Variants in SCAPER observed in about 807,000 individuals in gnomAD.
The protein encoded by SCAPER is S phase cyclin A-associated protein in the endoplasmic reticulum.
In SCAPER, 98 loss-of-function variants were observed where a neutral mutation model predicts 182.2. The ratio of observed to expected loss-of-function variants is 0.54; its 90% CI spans 0.46 to 0.64. SCAPER has a LOEUF of 0.64. SCAPER is among the 30% of genes least tolerant of loss of function. The pLI is 0.00. For synonymous variants in SCAPER, 605 were observed against 564.6 expected, an observed-to-expected ratio of 1.07 and a Z score of -1.01; for missense variants, 1,432 against 1,690.0, an observed-to-expected ratio of 0.85 and a Z score of 2.68.
At chr15:76,524,421 A>T (rs1383810245) in intron 23 of SCAPER, among the ~76,000 whole-genome samples, 2 of 152,148 alleles carry the variant, frequency 1.3e-5, no homozygotes, top group Admixed American at 1.3e-4. Context: ...AGAAGAGAAG[A>T]TCATTACTTC....
rs997855891 is a variant in SCAPER, at chr15:76,385,561, A to G, written c.3468-3946T>C. ...TGAGACTAAGTCATTGTCTCCCCCA[A>G]TGATGGATGAGAATTTTACTGTTCA... is the stretch of plus-strand genomic sequence containing the variant. On this transcript the variant is annotated intron_variant, in intron 27 of 31. Transcript: ENST00000563290. Among the ~76,000 whole-genome samples, 12 of 152,212 alleles carry G rather than the reference A, an allele frequency of 7.9e-5. No individual in the cohort carries two copies. In the South Asian group the frequency reaches 1.0e-3, roughly 13 times the overall value.
chr15:76,547,805 T>A (rs1029543795), intron 23 of SCAPER, among the ~76,000 whole-genome samples: 2 of 152,172 alleles, frequency 1.3e-5, no homozygotes, highest in South Asian at 4.1e-4. Flanking sequence ...ATCTATCTAT[T>A]TGTACTAATA....
At chr15:76,798,852 T>C (rs1431132745) in intron 7 of SCAPER, among the ~76,000 whole-genome samples, 2 of 150,934 alleles carry the variant, frequency 1.3e-5, no homozygotes, top group African/African-American at 4.9e-5. Flanking sequence ...AGAACATCTG[T>C]TCCTAACAGA....
intron 23 of SCAPER, among the ~76,000 whole-genome samples, chr15:76,549,595 T>G (rs2144911331): frequency 6.6e-6 from 1 of 151,800 alleles, no homozygotes; most frequent in East Asian, 1.9e-4. Flanking sequence ...TGGGGACTGT[T>G]GTGGGGTAGG....
At chr15:76,904,580 C>G (rs1480773560) in intron 1 of SCAPER, 1 of 152,190 alleles carries the variant, frequency 6.6e-6, no homozygotes, top group Non-Finnish European at 1.5e-5. Flanking sequence ...TCTAACAATC[C>G]CGTTCCTCCC....
intron 24 of SCAPER, among the ~76,000 whole-genome samples, chr15:76,487,282 T>C (rs537362293): frequency 9.0e-5 from 12 of 132,938 alleles, no homozygotes; most frequent in African/African-American, 3.4e-4. Flanking sequence ...CAAACCCCCA[T>C]GACACAAGTT....
At chr15:76,667,358 C>T (rs1393181801) in intron 20 of SCAPER, among the ~76,000 whole-genome samples, 2 of 152,092 alleles carry the variant, frequency 1.3e-5, no homozygotes, top group South Asian at 2.1e-4. Flanking sequence ...CTCTTCTTGA[C>T]CTCTAAATGT....
intron 17 of SCAPER, among the ~76,000 whole-genome samples, chr15:76,724,600 T>C (rs577089281): frequency 6.6e-6 from 1 of 152,308 alleles, no homozygotes; most frequent in East Asian, 1.9e-4. Context: ...CATAGTCCCA[T>C]ATTTCTTGGA....
intron 15 of SCAPER, among the ~76,000 whole-genome samples, chr15:76,752,306 G>A (rs762321779): frequency 6.6e-6 from 1 of 151,732 alleles, no homozygotes; most frequent in Non-Finnish European, 1.5e-5. Flanking sequence ...TGAACTACAT[G>A]TAGAAAACAG....
intron 24 of SCAPER, among the ~76,000 whole-genome samples, chr15:76,496,711 G>C (rs1292359227): frequency 6.6e-6 from 1 of 152,156 alleles, no homozygotes; most frequent in Non-Finnish European, 1.5e-5. Context: ...ATGTACCCTA[G>C]AGAGCTTATA....
intron 1 of SCAPER, among the ~76,000 whole-genome samples, chr15:76,886,898 G>T (rs1212994259): frequency 6.6e-6 from 1 of 152,152 alleles, no homozygotes; most frequent in Non-Finnish European, 1.5e-5. Context: ...ACTAATGCAG[G>T]AACAGAAAAC....
intron 18 of SCAPER, 122 bp from the exon 19 acceptor site, chr15:76,703,124 C>G: frequency 9.5e-7 from 1 of 1,049,330 alleles, no homozygotes; most frequent in Non-Finnish European, 1.3e-6. Context: ...TGACAACTTA[C>G]ACACTGAAGA....
chr15:76,848,599 G>C (rs1206625835), intron 4 of SCAPER, among the ~76,000 whole-genome samples: 1 of 152,074 alleles, frequency 6.6e-6, no homozygotes, highest in East Asian at 1.9e-4. Flanking sequence ...CTCCCAAAGT[G>C]CTGGGATTAT....
intron 21 of SCAPER, among the ~76,000 whole-genome samples, chr15:76,634,708 C>T (rs2053446354): frequency 6.6e-6 from 1 of 152,078 alleles, no homozygotes; most frequent in East Asian, 1.9e-4. Flanking sequence ...GATGCCATTG[C>T]CAAATGTAAT....
intron 27 of SCAPER, among the ~76,000 whole-genome samples, chr15:76,396,681 C>T (rs990815517): frequency 1.3e-5 from 2 of 152,152 alleles, no homozygotes; most frequent in African/African-American, 4.8e-5. Context: ...TGCAACTTTA[C>T]TGAATTGGTT....
chr15:76,567,725 G>T (rs779635616), intron 23 of SCAPER, among the ~76,000 whole-genome samples: 4 of 152,068 alleles, frequency 2.6e-5, no homozygotes, highest in Non-Finnish European at 4.4e-5. Flanking sequence ...GTTTGTTTTT[G>T]CATTTCATTA....
chr15:76,383,105 TACACAC>T (rs77313356), intron 27 of SCAPER, among the ~76,000 whole-genome samples: 1 of 150,036 alleles, frequency 6.7e-6, no homozygotes, highest in East Asian at 2.0e-4. Context: ...TGTGTGTAAA[TACACAC>T]ACACACACCT....
chr15:76,872,506 C>T (rs1257620044), intron 2 of SCAPER, among the ~76,000 whole-genome samples: 1 of 151,838 alleles, frequency 6.6e-6, no homozygotes, highest in Non-Finnish European at 1.5e-5. Flanking sequence ...GCTGATTTTC[C>T]AACAAACGGA....
At chr15:76,868,349 C>T (rs1342063733) in intron 2 of SCAPER, among the ~76,000 whole-genome samples, 2 of 151,844 alleles carry the variant, frequency 1.3e-5, no homozygotes, top group African/African-American at 4.8e-5. Flanking sequence ...GCTATGATCG[C>T]ATCATTGCAC....
Sources: gnomAD v4.1 joint callset for allele counts (sites outside exome capture counted in the v4.1 genomes callset) on GRCh38, gnomAD v4.1.1 for gene constraint, MANE v1.5 for transcripts, NCBI Gene and HGNC (gene_info 2026-07-23, HGNC 2026-07-21) for gene names.